SAMD8: variants seen among roughly 807,000 people sequenced by gnomAD.
SAMD8 encodes the protein sterile alpha motif domain containing 8, also known as sphingomyelin synthase-related protein 1.
Under a neutral mutation model 42.0 loss-of-function variants are expected in SAMD8, and 20 were observed. The observed-to-expected ratio is 0.48, with a 90% confidence interval of 0.34 to 0.69. The LOEUF (loss-of-function observed/expected upper bound fraction) is 0.69, where lower values mean the gene tolerates loss of function less well. Among genes scored for constraint, SAMD8 ranks in the 30% least tolerant of loss-of-function variants. The probability of loss-of-function intolerance (pLI) is 0.01; values close to 1 mark genes in which losing one functional copy is unlikely to be tolerated. For synonymous variants in SAMD8, 162 were observed against 173.0 expected, an observed-to-expected ratio of 0.94 and a Z score of 0.50; for missense variants, 328 against 511.6, an observed-to-expected ratio of 0.64 and a Z score of 3.46.
At chr10:75,144,751 G>A (rs1840096125) in intron 1 of SAMD8, among the ~76,000 whole-genome samples, 1 of 151,844 alleles carries the variant, frequency 6.6e-6, no homozygotes, top group Non-Finnish European at 1.5e-5. Flanking sequence ...TTGAACTCCT[G>A]GGCTTAGGTG....
At chr10:75,170,770 GTTT>G (rs34290557) in intron 4 of SAMD8, among the ~76,000 whole-genome samples, 10 of 105,220 alleles carry the variant, frequency 9.5e-5, no homozygotes, top group African/African-American at 1.6e-4. Flanking sequence ...GTTTTTTTGG[GTTT>G]TTTTTTTTTT....
chr10:75,110,228 C>T (rs1245174925), upstream of SAMD8, among the ~76,000 whole-genome samples: 1 of 152,094 alleles, frequency 6.6e-6, no homozygotes, highest in East Asian at 1.9e-4. Flanking sequence ...TGAGTGTTGC[C>T]CTAGACTTTG....
At chr10:75,120,348 C>T (rs868365125) in intron 1 of SAMD8, among the ~76,000 whole-genome samples, 13 of 151,826 alleles carry the variant, frequency 8.6e-5, no homozygotes, top group African/African-American at 2.4e-4. Flanking sequence ...CTCGGCTCAC[C>T]GCAAGCTCCG....
At chr10:75,100,041 A>C (rs998453657) in intron 1 of SAMD8, among the ~76,000 whole-genome samples, 1 of 152,084 alleles carries the variant, frequency 6.6e-6, no homozygotes, top group Non-Finnish European at 1.5e-5. Flanking sequence ...GCACCACCCC[A>C]GGCAGGAGAT....
At chr10:75,154,653 C>T (rs1355639721) in intron 2 of SAMD8, among the ~76,000 whole-genome samples, 2 of 140,978 alleles carry the variant, frequency 1.4e-5, no homozygotes, top group African/African-American at 5.6e-5. Context: ...AAAGGTCATT[C>T]TAGTTGTTGT....
intron 1 of SAMD8, among the ~76,000 whole-genome samples, chr10:75,134,140 A>T (rs952925124): frequency 3.9e-5 from 6 of 152,138 alleles, no homozygotes; most frequent in Non-Finnish European, 8.8e-5. Flanking sequence ...CAGTGAGAGC[A>T]CATGTACACA....
At chr10:75,136,818 A>G (rs1005102224) in intron 1 of SAMD8, among the ~76,000 whole-genome samples, 16 of 152,238 alleles carry the variant, frequency 1.1e-4, no homozygotes, top group African/African-American at 3.9e-4. Context: ...AAGCATATGA[A>G]AAGATGTTCC....
intron 1 of SAMD8, among the ~76,000 whole-genome samples, chr10:75,149,561 C>T (rs74703613): frequency 4.1e-4 from 63 of 152,264 alleles, no homozygotes; most frequent in African/African-American, 1.4e-3. Context: ...GGCTTCATAT[C>T]TGTTATAGAA....
intron 2 of SAMD8, 45 bp from the exon 3 acceptor site, chr10:75,164,600 C>G (rs544087410): frequency 6.3e-7 from 1 of 1,589,230 alleles, no homozygotes; most frequent in South Asian, 1.1e-5. Flanking sequence ...TGGCATCATT[C>G]ACATGTATAC....
At chr10:75,148,345 G>GTTTTTTTTTTT (rs1564686963) in intron 1 of SAMD8, among the ~76,000 whole-genome samples, 15 of 104,002 alleles carry the variant, frequency 1.4e-4, no homozygotes, top group African/African-American at 5.2e-4. Context: ...AGCAATACCA[G>GTTTTTTTTTTT]CTTTTTTTTT....
intron 1 of SAMD8, among the ~76,000 whole-genome samples, chr10:75,130,789 G>A (rs937268063): frequency 6.6e-6 from 1 of 152,042 alleles, no homozygotes; most frequent in Non-Finnish European, 1.5e-5. Flanking sequence ...TTTCAAGTAG[G>A]ACCTTGGTCA....
At chr10:75,132,159 G>A (rs537866067) in intron 1 of SAMD8, among the ~76,000 whole-genome samples, 1 of 152,300 alleles carries the variant, frequency 6.6e-6, no homozygotes, top group East Asian at 1.9e-4. Context: ...ACCTTTTCTA[G>A]ACAGGTACTC....
At chr10:75,117,333 G>A (rs185826042) in intron 1 of SAMD8, among the ~76,000 whole-genome samples, 36 of 151,796 alleles carry the variant, frequency 2.4e-4, no homozygotes, top group African/African-American at 8.2e-4. Flanking sequence ...GAGGTGGGAG[G>A]ATCACCTGAG....
At chr10:75,108,202 C>T (rs966942643), upstream of SAMD8, 12 of 1,602,350 alleles carry the variant, frequency 7.5e-6, no homozygotes, top group Non-Finnish European at 1.0e-5. Context: ...CGGTTGTTTG[C>T]CGTGGCCCTG....
intron 3 of SAMD8, 89 bp from the exon 4 acceptor site, chr10:75,168,452 T>G: frequency 1.3e-6 from 2 of 1,551,824 alleles, no homozygotes; most frequent in Non-Finnish European, 1.7e-6. Flanking sequence ...TTTTTCTGTT[T>G]GCTCTTCCTT....
rs1412056775 is a variant in SAMD8 at position 75,181,542 on chromosome 10, G to C, written c.*4850G>C. 6.6e-6 allele frequency: 1 copy of C among 152,132 alleles called. No homozygotes were observed. The highest frequency in any genetic ancestry group is 1.5e-5 in the Non-Finnish European group (1 of 68,020). The allele number at this position is 152,132 out of a possible 1,614,324, so 9.4% of individuals were successfully genotyped here. On this transcript the variant is annotated 3_prime_UTR_variant, in exon 6 of 6. Transcript: ENST00000542569. ...TGTAAGCCATATTTCAGCTATTCTG[G>C]TTTTTATAATACATTCTACCCTAAA...
chr10:75,106,304 C>T (rs1848504979), intron 1 of SAMD8, among the ~76,000 whole-genome samples: 1 of 151,924 alleles, frequency 6.6e-6, no homozygotes. Context: ...TGTCCCTCCC[C>T]CACCTTCAGC....
Position 75,168,551 on chromosome 10 carries a change from C to A in SAMD8, c.685C>A (p.Leu229Met), listed in dbSNP as rs1269636448. 1 of 1,613,372 alleles carries A rather than the reference C, an allele frequency of 6.2e-7. No homozygotes were observed. The highest frequency in any genetic ancestry group is 1.3e-5 in the African/African-American group (1 of 75,024). Residue 229 changes from leucine (L) to methionine (M), a missense_variant, in exon 4 of 6, where the codon CTG (leucine) becomes ATG (methionine). This residue lies in a region of SAMD8 where 178 missense variants were observed against 325.6 expected (regional missense o/e 0.55). Transcript: ENST00000542569. ...GTTGATCTGTTACAGGTCAATACTT[C>A]TGCGAAGGCTCTGTAGTCTGATGGG... The part of the protein sequence containing the change: ...LLLHKHRSIL[L>M]RRLCSLMGTV...
In SAMD8 at chr10:75,145,656, A is replaced by C. The variant is rs142302021; in HGVS notation, c.-15-4858A>C. On this transcript the variant is annotated intron_variant, in intron 1 of 5. Transcript: ENST00000542569. ...GCACCATGGCATTTGGGGCCAAATA[A>C]TTCTTTGTTGGGGGAGGGGATAGTC... Among the ~76,000 whole-genome samples, 539 of 152,292 alleles carry C rather than the reference A, an allele frequency of 3.5e-3. 2 individuals are homozygous for C. Among genetic ancestry groups the C allele is most frequent in the Non-Finnish European group, 4.0e-3 (272 of 68,018 alleles).
Sources: allele counts gnomAD v4.1 joint callset (sites outside exome capture counted in the v4.1 genomes callset), GRCh38; gene constraint gnomAD v4.1.1; regional missense constraint gnomAD v4.1.1; transcripts MANE v1.5; gene names NCBI Gene and HGNC (gene_info 2026-07-23, HGNC 2026-07-21).